The following ADD1 variants were observed in gnomAD, a reference collection of about 807,000 sequenced individuals.
ADD1 encodes the protein adducin 1, also known as alpha-adducin.
A neutral mutation model predicts 80.5 loss-of-function variants in ADD1; 24 were observed. The ratio of observed to expected loss-of-function variants is 0.30; its 90% CI spans 0.22 to 0.42. The LOEUF is 0.42. Among genes scored for constraint, ADD1 ranks in the 10% least tolerant of loss-of-function variants. The pLI is 1.00. For synonymous variants in ADD1, 373 were observed against 393.8 expected (o/e 0.95, Z 0.63); for missense variants, 948 against 1,019.0 (o/e 0.93, Z 0.95).
intron 8 of ADD1, 76 bp downstream of exon 8, chr4:2,898,607 C>A: frequency 7.8e-7 from 1 of 1,281,210 alleles, no homozygotes; most frequent in Non-Finnish European, 1.1e-6. Flanking sequence ...TTTTTTGATA[C>A]TTATCGAGTA....
intron 1 of ADD1, among the ~76,000 whole-genome samples, chr4:2,861,702 G>A (rs890872219): frequency 6.6e-6 from 1 of 152,086 alleles, no homozygotes; most frequent in Admixed American, 6.6e-5. Flanking sequence ...CAGATTCTGT[G>A]GGTCTGGGTT....
At chr4:2,885,908 C>T (rs1414923660) in intron 4 of ADD1, among the ~76,000 whole-genome samples, 3 of 152,162 alleles carry the variant, frequency 2.0e-5, no homozygotes, top group Non-Finnish European at 4.4e-5. Context: ...CCCTGCCCGG[C>T]CCCTTCCTGC....
intron 4 of ADD1, among the ~76,000 whole-genome samples, chr4:2,888,232 AT>A (rs963912063): frequency 3.3e-5 from 5 of 151,088 alleles, no homozygotes; most frequent in Non-Finnish European, 5.9e-5. Flanking sequence ...GTGCACCACC[AT>A]GCCACTAGCT....
intron 14 of ADD1, among the ~76,000 whole-genome samples, chr4:2,924,287 G>T (rs1740594382): frequency 6.6e-6 from 1 of 152,216 alleles, no homozygotes; most frequent in Non-Finnish European, 1.5e-5. Flanking sequence ...GAGAGAAGCA[G>T]GTCTCCAAAG....
rs1325197018 is a variant in ADD1, at chr4:2,928,483, C to T, written c.2360C>T (p.Pro787Leu). 7.4e-6 allele frequency: 12 copies of T among 1,613,668 alleles called. No homozygotes were observed. Among genetic ancestry groups the T allele is most frequent in the Middle Eastern group, 1.6e-4 (1 of 6,082 alleles). ...AAAAAGAAGAAGAAGTTCCGTACCC[C>T]GTCCTTTCTGAAGAAGAGCAAGAAG... ...PSKKKKKFRT[P>L]SFLKKSKKKS... Residue 787 changes from proline (P) to leucine (L), a missense_variant, in exon 16 of 16, where the codon CCG (proline) becomes CTG (leucine). Physicochemically the swap from Pro to Leu is moderately conservative, Grantham distance 98 (BLOSUM62 -3). Transcript: ENST00000683351.
intron 1 of ADD1, among the ~76,000 whole-genome samples, chr4:2,860,033 C>T (rs1034369994): frequency 2.6e-5 from 4 of 151,240 alleles, no homozygotes; most frequent in African/African-American, 9.7e-5. Context: ...TAAAATCTTA[C>T]GTAGAGTTTT....
At chr4:2,891,244 G>A (rs146414623) in intron 4 of ADD1, among the ~76,000 whole-genome samples, 2,904 of 152,256 alleles carry the variant, frequency 0.019, 60 homozygotes, top group African/African-American at 0.046. Flanking sequence ...CTTGAGGCCA[G>A]GAGTTTGAGA....
chr4:2,881,263 G>C (rs1732282104), intron 2 of ADD1, among the ~76,000 whole-genome samples: 1 of 151,814 alleles, frequency 6.6e-6, no homozygotes, highest in Non-Finnish European at 1.5e-5. Context: ...ATTTTTAGTA[G>C]AGATGGGGTT....
rs187236558 is a variant in ADD1, at chr4:2,868,364, G to A, written c.-20-7532G>A. 2.8e-3 allele frequency among the ~76,000 whole-genome samples: 433 copies of A among 152,252 alleles called. 4 individuals are homozygous for A. The highest frequency in any genetic ancestry group is 0.01 in the African/African-American group (418 of 41,546). On this transcript the variant is annotated intron_variant, in intron 1 of 15. Coordinates refer to ENST00000683351, the MANE Select transcript of ADD1 (RefSeq NM_001354761.2). ...CTGGCCAGGGCGTCCATGTCTCTTG[G>A]TGCTGGCCAGGGTGTGTGCTGACGG...
chr4:2,907,494 G>A, intron 10 of ADD1: 1 of 398,656 alleles, frequency 2.5e-6, no homozygotes, highest in South Asian at 2.5e-5. Context: ...CCCAGATTCA[G>A]CTGGGCTTTC....
At position 2,904,949 on chromosome 4, in the gene ADD1, C is replaced by T; in HGVS notation, c.1347C>T (p.Asn449=). The change falls in exon 10 of 16, where the codon AAC becomes AAT. Residue 449 remains asparagine, a synonymous_variant. Coordinates refer to ENST00000683351, the MANE Select transcript of ADD1 (RefSeq NM_001354761.2). The part of the protein sequence containing the change: ...KQQREKTRWL[N]SGRGDEASEE... ...AGCGGGAGAAGACAAGATGGCTGAACTCTGGCCGGGGCGACGAAGCTTCCG... is the reference window on the plus strand; with the variant it reads ...AGCGGGAGAAGACAAGATGGCTGAATTCTGGCCGGGGCGACGAAGCTTCCG... 3 of 1,614,212 alleles carry T rather than the reference C, an allele frequency of 1.9e-6. No homozygotes were observed. The highest frequency in any genetic ancestry group is 2.5e-6 in the Non-Finnish European group (3 of 1,180,040).
intron 2 of ADD1, among the ~76,000 whole-genome samples, chr4:2,879,292 C>T (rs1560178085): frequency 6.6e-6 from 1 of 152,192 alleles, no homozygotes; most frequent in Non-Finnish European, 1.5e-5. Context: ...TACAGGTCGT[C>T]TGAAATGCTC....
chr4:2,898,180 C>T lies in ADD1; in HGVS notation c.742-4C>T. 18 of 1,611,904 alleles carry T rather than the reference C, an allele frequency of 1.1e-5. No homozygotes were observed. The highest frequency in any genetic ancestry group is 1.5e-5 in the Non-Finnish European group (18 of 1,178,738). The stretch of plus-strand genomic sequence containing the variant: ...CTTCTTCATGGCGACCATTTGGTCT[C>T]TAGGTCTCTGCAATGAAATGTGGCC... On this transcript the variant is annotated splice_region_variant and splice_polypyrimidine_tract_variant and intron_variant, in intron 6 of 15. Transcript: ENST00000683351.
At chr4:2,903,353 A>G (rs1255355875) in intron 9 of ADD1, among the ~76,000 whole-genome samples, 1 of 152,212 alleles carries the variant, frequency 6.6e-6, no homozygotes, top group Non-Finnish European at 1.5e-5. Context: ...GCAACAAATC[A>G]CTACAGGCCT....
chr4:2,899,747 G>A, intron 9 of ADD1: 1 of 404,168 alleles, frequency 2.5e-6, no homozygotes, highest in South Asian at 2.1e-5. Context: ...CATCCCACAA[G>A]CAAGCGAGAG....
intron 13 of ADD1, among the ~76,000 whole-genome samples, chr4:2,911,695 G>T (rs1274505775): frequency 6.6e-6 from 1 of 152,022 alleles, no homozygotes; most frequent in East Asian, 1.9e-4. Flanking sequence ...AGCTCAAGCA[G>T]TCCACCTGAC....
intron 2 of ADD1, among the ~76,000 whole-genome samples, chr4:2,880,968 G>A (rs1375880941): frequency 2.0e-5 from 3 of 150,008 alleles, no homozygotes; most frequent in Admixed American, 2.0e-4. Flanking sequence ...AAAGTAATTT[G>A]AAAAGTATTT....
chr4:2,916,626 C>G (rs1739127045), intron 14 of ADD1, among the ~76,000 whole-genome samples: 1 of 152,122 alleles, frequency 6.6e-6, no homozygotes, highest in African/African-American at 2.4e-5. Flanking sequence ...GGTGGTGGCA[C>G]ATGTATGGGT....
At chr4:2,866,152 C>T (rs1362362244) in intron 1 of ADD1, among the ~76,000 whole-genome samples, 3 of 152,188 alleles carry the variant, frequency 2.0e-5, no homozygotes, top group Non-Finnish European at 4.4e-5. Flanking sequence ...CATGGGCCAT[C>T]TGAAGATTCT....
Sources: allele counts gnomAD v4.1 joint callset (sites outside exome capture counted in the v4.1 genomes callset), GRCh38; gene constraint gnomAD v4.1.1; transcripts MANE v1.5; gene names NCBI Gene and HGNC (gene_info 2026-07-23, HGNC 2026-07-21).